Variants in TXLNB observed in about 807,000 individuals in gnomAD.
TXLNB encodes taxilin beta.
A neutral mutation model predicts 57.4 loss-of-function variants in TXLNB; 37 were observed. That is an observed-to-expected ratio of 0.64 (90% CI 0.50 to 0.85). The LOEUF is 0.85. Among genes scored for constraint, TXLNB ranks in the 40% least tolerant of loss-of-function variants. The pLI, the probability that TXLNB is intolerant of heterozygous loss-of-function variation, is 0.00. For synonymous variants in TXLNB, 302 were observed against 309.6 expected (o/e 0.98, Z 0.26); for missense variants, 848 against 825.6 (o/e 1.03, Z -0.33).
the TXLNB span, among the ~76,000 whole-genome samples, chr6:139,206,528 C>T: frequency 6.6e-6 from 1 of 152,036 alleles, no homozygotes; most frequent in Non-Finnish European, 1.5e-5. Context: ...ATTAGCCAGG[C>T]GTGGTGGCAT....
chr6:139,271,139 G>T (rs11155047), intron 3 of TXLNB, among the ~76,000 whole-genome samples: 12,757 of 152,002 alleles, frequency 0.084, 599 homozygotes, highest in Middle Eastern at 0.11. Flanking sequence ...TCTTTATAAT[G>T]TTGGGCTCTG....
Position 139,288,644 on chromosome 6 carries a change from T to TG in TXLNB, c.255dup (p.Ser86GlnfsTer2). ...GATTCTGCATTCTCAGGCTGCTCAC[T>TG]GGCCCTGGCAGAGCCCTCTTTCCCT... On this transcript the variant is annotated frameshift_variant, in exon 2 of 10. Transcript: ENST00000358430. LOFTEE classifies it high-confidence loss of function. The TG allele has an allele frequency of 6.2e-7, 1 of 1,614,204 alleles. No homozygotes were observed.
intron 2 of TXLNB, among the ~76,000 whole-genome samples, chr6:139,277,677 T>C (rs1776934888): frequency 6.6e-6 from 1 of 152,086 alleles, no homozygotes; most frequent in East Asian, 1.9e-4. Context: ...GGCCTTAATA[T>C]CCGTTGGCAG....
At chr6:139,239,938 C>A (rs915649348), downstream of TXLNB, 1 of 151,508 alleles carries the variant, frequency 6.6e-6, no homozygotes, top group Admixed American at 6.6e-5. This position sits in a 1 kb window ranked among gnomAD's most constrained non-coding sequence, Gnocchi z 4.7. Context: ...TATTTAGTGA[C>A]CAAAAACTTA....
intron 6 of TXLNB, among the ~76,000 whole-genome samples, chr6:139,256,550 C>A (rs971514053): frequency 6.6e-6 from 1 of 152,210 alleles, no homozygotes; most frequent in Non-Finnish European, 1.5e-5. Flanking sequence ...GGCTGGCCTC[C>A]AACTCCTGAC....
upstream of TXLNB, among the ~76,000 whole-genome samples, chr6:139,294,001 C>T (rs6570327): frequency 0.38 from 57,273 of 151,852 alleles, 13,056 homozygotes; most frequent in African/African-American, 0.65. Flanking sequence ...AATGTATAGA[C>T]TCACTTAACA....
the TXLNB span, among the ~76,000 whole-genome samples, chr6:139,167,800 G>A: frequency 1.3e-5 from 2 of 152,158 alleles, no homozygotes; most frequent in Non-Finnish European, 2.9e-5. Context: ...GCAGCAAAAG[G>A]TAAACAGGAT....
chr6:139,253,859 G>T (rs993630228), intron 7 of TXLNB, among the ~76,000 whole-genome samples: 6 of 152,160 alleles, frequency 3.9e-5, no homozygotes, highest in African/African-American at 1.4e-4. Flanking sequence ...TGTGAACAGT[G>T]CACAGCTTCA....
chr6:139,216,697 G>A, the TXLNB span, among the ~76,000 whole-genome samples: 1 of 152,212 alleles, frequency 6.6e-6, no homozygotes, highest in African/African-American at 2.4e-5. Flanking sequence ...AAAATGGAAC[G>A]GAATAATGGC....
intron 2 of TXLNB, among the ~76,000 whole-genome samples, chr6:139,285,079 T>C (rs1251449597): frequency 6.9e-6 from 1 of 145,166 alleles, no homozygotes; most frequent in Non-Finnish European, 1.5e-5. Flanking sequence ...ACACAGTCAG[T>C]TGGAATTTGG....
chr6:139,203,172 A>G, the TXLNB span, among the ~76,000 whole-genome samples: 27 of 152,154 alleles, frequency 1.8e-4, no homozygotes, highest in African/African-American at 6.5e-4. Context: ...TAATGCTGCA[A>G]TAAATGTGGG....
At position 139,244,614 on chromosome 6, in the gene TXLNB, A is replaced by G. The variant is rs775387511; in HGVS notation, c.1247T>C (p.Leu416Pro). The G allele has an allele frequency of 1.1e-5, 17 of 1,612,398 alleles. No homozygotes were observed. In the Admixed American group the frequency reaches 2.7e-4, roughly 25 times the overall value. ...KARFENCNKA[L>P]LDMIEEKALR... Reference sequence around the variant, plus strand: ...CCTCACCTCTTCAATCATGTCCAACAGAGCTTTGTTACAGTTCTCAAATCG... The same window carrying G: ...CCTCACCTCTTCAATCATGTCCAACGGAGCTTTGTTACAGTTCTCAAATCG... The change falls in exon 9 of 10, where the codon CTG (leucine) becomes CCG (proline). Residue 416 changes from leucine (L) to proline (P), a missense_variant. Coordinates refer to ENST00000358430, the MANE Select transcript of TXLNB (RefSeq NM_153235.4).
At chr6:139,166,993 G>A in the TXLNB span, 3 of 1,614,220 alleles carry the variant, frequency 1.9e-6, no homozygotes, top group Admixed American at 1.7e-5. Flanking sequence ...ACAGCCCTGC[G>A]GGGTTGGCAG....
At chr6:139,287,212 C>G (rs561986318) in intron 2 of TXLNB, 3 of 152,560 alleles carry the variant, frequency 2.0e-5, no homozygotes, top group African/African-American at 7.2e-5. Context: ...GTAAAGGACA[C>G]TTTCTGGAGA....
chr6:139,258,029 G>T (rs540191137), intron 6 of TXLNB, among the ~76,000 whole-genome samples: 23 of 152,250 alleles, frequency 1.5e-4, no homozygotes, highest in African/African-American at 5.3e-4. Context: ...CACTGTGCCT[G>T]CTTCTTGTGA....
the TXLNB span, among the ~76,000 whole-genome samples, chr6:139,182,607 C>A: frequency 5.3e-5 from 8 of 151,946 alleles, no homozygotes; most frequent in Non-Finnish European, 1.2e-4. Context: ...TTGTCTTGAG[C>A]TTTTCTTCTT....
the TXLNB span, among the ~76,000 whole-genome samples, chr6:139,175,954 A>G: frequency 2.0e-5 from 3 of 152,106 alleles, no homozygotes; most frequent in Non-Finnish European, 4.4e-5. Flanking sequence ...AAAATCAGTG[A>G]GGATACAAGT....
intron 4 of TXLNB, among the ~76,000 whole-genome samples, chr6:139,269,325 C>A (rs1364164437): frequency 6.6e-6 from 1 of 152,208 alleles, no homozygotes; most frequent in East Asian, 1.9e-4. Context: ...TACTGTGTAA[C>A]ATTACTGACA....
At chr6:139,166,973 C>G in the TXLNB span, 1 of 1,614,204 alleles carries the variant, frequency 6.2e-7, no homozygotes, top group East Asian at 2.2e-5. Flanking sequence ...CAGAAATGCC[C>G]ACTTTGATTA....
Sources: gnomAD v4.1 joint callset for allele counts (sites outside exome capture counted in the v4.1 genomes callset) on GRCh38, gnomAD v4.1.1 for gene constraint, Gnocchi (gnomAD v3.1) non-coding constraint, MANE v1.5 for transcripts, NCBI Gene and HGNC (gene_info 2026-07-23, HGNC 2026-07-21) for gene names.